Variants in GRID1 observed in about 807,000 individuals in gnomAD.
The protein encoded by GRID1 is glutamate receptor ionotropic, delta-1.
GRID1 carries 28 observed loss-of-function variants against 98.0 expected under a neutral mutation model. The ratio of observed to expected loss-of-function variants is 0.29; its 90% CI spans 0.21 to 0.39. The LOEUF is 0.39. Among genes scored for constraint, GRID1 ranks in the 10% least tolerant of loss-of-function variants. GRID1 has a pLI of 1.00. For synonymous variants in GRID1, 553 were observed against 538.5 expected (o/e 1.03, Z -0.37); for missense variants, 1,111 against 1,340.5 (o/e 0.83, Z 2.67).
chr10:86,213,844 C>T (rs1007679427), intron 2 of GRID1, among the ~76,000 whole-genome samples: 1 of 152,090 alleles, frequency 6.6e-6, no homozygotes, highest in African/African-American at 2.4e-5. Flanking sequence ...CTGTTCTTCC[C>T]GGTCTCCCAA....
At chr10:85,647,039 T>C (rs1843202380) in intron 13 of GRID1, 163 bp downstream of exon 13, 1 of 669,496 alleles carries the variant, frequency 1.5e-6, no homozygotes, top group Admixed American at 2.3e-5. Context: ...GCAGAGCAGC[T>C]GCTTCTGAAA....
intron 8 of GRID1, among the ~76,000 whole-genome samples, chr10:85,811,963 C>A (rs943948991): frequency 2.6e-5 from 4 of 152,074 alleles, no homozygotes; most frequent in Non-Finnish European, 5.9e-5. Context: ...AGAAAAACAG[C>A]AAGTCAGGTA....
chr10:86,207,512 C>A lies in GRID1; in HGVS notation c.236-864G>T, dbSNP rs74858663. Among the ~76,000 whole-genome samples, 314 of 152,144 alleles carry A rather than the reference C, an allele frequency of 2.1e-3. 2 individuals are homozygous for A. Among genetic ancestry groups the A allele is most frequent in the African/African-American group, 7.3e-3 (305 of 41,510 alleles). On this transcript the variant is annotated intron_variant, in intron 2 of 15. Coordinates refer to ENST00000327946, the MANE Select transcript of GRID1 (RefSeq NM_017551.3). ...GCGTACACTTTTTTGGGACATCAAC[C>A]AATTAATAGAAAGATGCACCTCCCA... is the stretch of plus-strand genomic sequence containing the variant.
chr10:86,157,022 TG>T (rs1468749191), intron 3 of GRID1, among the ~76,000 whole-genome samples: 1 of 151,846 alleles, frequency 6.6e-6, no homozygotes, highest in South Asian at 2.1e-4. Flanking sequence ...GCTGACTGTC[TG>T]GATGGAGAGA....
intron 3 of GRID1, among the ~76,000 whole-genome samples, chr10:86,188,482 C>T (rs1278685495): frequency 2.6e-5 from 4 of 152,320 alleles, no homozygotes; most frequent in South Asian, 4.1e-4. Flanking sequence ...CCTGCCAGCC[C>T]GCTGTCTAAG....
intron 2 of GRID1, among the ~76,000 whole-genome samples, chr10:86,284,074 T>C (rs1847394832): frequency 6.9e-6 from 1 of 144,550 alleles, no homozygotes. Flanking sequence ...ATACCTGCCC[T>C]CACACATACC....
chr10:85,856,040 T>C lies in GRID1; in HGVS notation c.1102A>G (p.Thr368Ala). 6.2e-7 allele frequency: 1 copy of C among 1,613,832 alleles called. No individual in the cohort carries two copies. Among genetic ancestry groups the C allele is most frequent in the Non-Finnish European group, 8.5e-7 (1 of 1,179,982 alleles). The change falls in exon 7 of 16, where the codon ACC becomes GCC. Residue 368 changes from threonine to alanine, a missense_variant. Coordinates refer to ENST00000327946, the MANE Select transcript of GRID1 (RefSeq NM_017551.3). ...PWNGGRSMLD[T>A]IKKGHITGLT... ...CCCCTCACACGTACCTTTTTGATGG[T>C]ATCCAGCATGGACCTCCCACCATTC... is the stretch of plus-strand genomic sequence containing the variant.
At chr10:85,974,350 G>C (rs916377642) in intron 4 of GRID1, among the ~76,000 whole-genome samples, 1 of 152,166 alleles carries the variant, frequency 6.6e-6, no homozygotes, top group African/African-American at 2.4e-5. Context: ...GCCTCTCTCA[G>C]GGGGCTGTGT....
At position 85,916,696 on chromosome 10, in the gene GRID1, C is replaced by T. The variant is rs1841625906; in HGVS notation, c.727-457G>A. On this transcript the variant is annotated intron_variant, in intron 4 of 15. Transcript: ENST00000327946. This position sits in a 1 kb window ranked among gnomAD's most constrained non-coding sequence, Gnocchi z 4.0. ...TGACATTCAGGAAGACAGCAGCTCA[C>T]AGCAGCTCTGGGGCTCCGAGTTTCC... is the stretch of plus-strand genomic sequence containing the variant. Among the ~76,000 whole-genome samples, 1 of 152,236 alleles carries T rather than the reference C, an allele frequency of 6.6e-6. No homozygotes were observed. The highest frequency in any genetic ancestry group is 6.5e-5 in the Admixed American group (1 of 15,288).
intron 4 of GRID1, among the ~76,000 whole-genome samples, chr10:85,928,104 A>G (rs764160467): frequency 6.6e-6 from 1 of 152,226 alleles, no homozygotes; most frequent in Non-Finnish European, 1.5e-5. Context: ...CTCAATGAGG[A>G]AGATGATGAT....
intron 13 of GRID1, among the ~76,000 whole-genome samples, chr10:85,643,234 T>C (rs1843145411): frequency 6.6e-6 from 1 of 152,122 alleles, no homozygotes; most frequent in Non-Finnish European, 1.5e-5. Context: ...GCTAAAGAAG[T>C]TTCCAGGAGA....
At chr10:86,059,304 C>A (rs1454221092) in intron 4 of GRID1, among the ~76,000 whole-genome samples, 1 of 152,322 alleles carries the variant, frequency 6.6e-6, no homozygotes, top group East Asian at 1.9e-4. Flanking sequence ...ACCTGCAGGT[C>A]ACTCCTTAAA....
At chr10:85,772,088 C>T (rs1402286157) in intron 8 of GRID1, among the ~76,000 whole-genome samples, 1 of 152,138 alleles carries the variant, frequency 6.6e-6, no homozygotes, top group Non-Finnish European at 1.5e-5. Flanking sequence ...CTCTCCTCAG[C>T]AAATGTAAAA....
intron 13 of GRID1, among the ~76,000 whole-genome samples, chr10:85,634,035 G>C (rs900383056): frequency 2.0e-5 from 3 of 152,084 alleles, no homozygotes; most frequent in Non-Finnish European, 4.4e-5. Flanking sequence ...GCCAGGCGTG[G>C]TGGTGCATGC....
At chr10:85,935,087 T>C (rs1841909023) in intron 4 of GRID1, among the ~76,000 whole-genome samples, 1 of 152,240 alleles carries the variant, frequency 6.6e-6, no homozygotes, top group African/African-American at 2.4e-5. Flanking sequence ...GGGTCCCGGC[T>C]AACAGCTCTA....
At chr10:86,097,819 G>A (rs1471585606) in intron 4 of GRID1, among the ~76,000 whole-genome samples, 3 of 152,216 alleles carry the variant, frequency 2.0e-5, no homozygotes, top group South Asian at 2.1e-4. Flanking sequence ...TCAACTGCAT[G>A]TGAATCTATC....
chr10:86,152,436 T>C (rs1018803721), intron 3 of GRID1, among the ~76,000 whole-genome samples: 1 of 152,218 alleles, frequency 6.6e-6, no homozygotes, highest in Admixed American at 6.5e-5. Flanking sequence ...AGAGAAAGGA[T>C]GACAGCAACG....
At chr10:85,799,391 A>G (rs1842554931) in intron 8 of GRID1, among the ~76,000 whole-genome samples, 1 of 152,134 alleles carries the variant, frequency 6.6e-6, no homozygotes, top group East Asian at 1.9e-4. Context: ...ATTATGTTGA[A>G]GGAATATCTG....
intron 8 of GRID1, among the ~76,000 whole-genome samples, chr10:85,839,421 C>G (rs1842942676): frequency 6.6e-6 from 1 of 152,044 alleles, no homozygotes; most frequent in Admixed American, 6.6e-5. Context: ...GCAAAAGAAC[C>G]AAAATTATAA....
Sources: allele counts gnomAD v4.1 joint callset (sites outside exome capture counted in the v4.1 genomes callset), GRCh38; gene constraint gnomAD v4.1.1; non-coding constraint Gnocchi (gnomAD v3.1); transcripts MANE v1.5; gene names NCBI Gene and HGNC (gene_info 2026-07-23, HGNC 2026-07-21).